SMURF2: variants seen among roughly 807,000 people sequenced by gnomAD.
SMURF2 encodes SMAD specific E3 ubiquitin protein ligase 2.
SMURF2 carries 48 observed loss-of-function variants against 109.6 expected under a neutral mutation model. The observed-to-expected ratio is 0.44, with a 90% CI of 0.35 to 0.56. The LOEUF is 0.56. Ranked by LOEUF, SMURF2 falls within the 20% of genes least tolerant of loss-of-function variation. The pLI is 0.01. For synonymous variants in SMURF2, 288 were observed against 317.1 expected (o/e 0.91, Z 0.97); for missense variants, 575 against 909.0 (o/e 0.63, Z 4.72).
chr17:64,545,867 C>T lies in SMURF2; in HGVS notation c.2228G>A (p.Cys743Tyr). 1.2e-6 allele frequency: 2 copies of T among 1,607,134 alleles called. No homozygotes were observed. Among genetic ancestry groups the T allele is most frequent in the Non-Finnish European group, 1.7e-6 (2 of 1,173,878 alleles). ...AGCTTGTCATTCCACAGCAAATCCA[C>T]ATGTTTCTTCAATGGCTGTTAGCAG... ...EKLLTAIEET[C>Y]GFAVE The change falls in exon 19 of 19, where the codon TGT (cysteine) becomes TAT (tyrosine). Residue 743 changes from cysteine to tyrosine, a missense_variant. Transcript: ENST00000262435.
intron 1 of SMURF2, among the ~76,000 whole-genome samples, chr17:64,629,795 A>AT (rs1203598953): frequency 6.6e-6 from 1 of 152,174 alleles, no homozygotes; most frequent in Non-Finnish European, 1.5e-5. Flanking sequence ...CTCTAAACAA[A>AT]TTTTTTAAAA....
chr17:64,657,584 A>G (rs778699607), intron 1 of SMURF2, among the ~76,000 whole-genome samples: 5 of 151,728 alleles, frequency 3.3e-5, no homozygotes, highest in Admixed American at 1.3e-4. Context: ...ATGGACCTGT[A>G]GTCCCAGCCA....
At chr17:64,566,348 T>C (rs542913489) in intron 10 of SMURF2, among the ~76,000 whole-genome samples, 39 of 151,986 alleles carry the variant, frequency 2.6e-4, no homozygotes, top group Admixed American at 1.1e-3. Context: ...AACTAATTTA[T>C]CACTTTAAAG....
At chr17:64,623,980 T>C (rs1199682881) in intron 1 of SMURF2, among the ~76,000 whole-genome samples, 4 of 152,250 alleles carry the variant, frequency 2.6e-5, no homozygotes, top group African/African-American at 9.6e-5. Flanking sequence ...CTTATCCATA[T>C]ATATGCAAAA....
At chr17:64,624,106 C>T (rs1970237623) in intron 1 of SMURF2, among the ~76,000 whole-genome samples, 2 of 152,110 alleles carry the variant, frequency 1.3e-5, no homozygotes, top group Admixed American at 6.5e-5. Context: ...AAAAATAAAG[C>T]TACAACAAAT....
chr17:64,557,636 T>C lies in SMURF2; in HGVS notation c.1403A>G (p.Gln468Arg). The C allele has an allele frequency of 6.2e-7, 1 of 1,608,680 alleles. No individual in the cohort carries two copies. The highest frequency in any genetic ancestry group is 8.5e-7 in the Non-Finnish European group (1 of 1,175,988). Residue 468 changes from glutamine (Q) to arginine (R), a missense_variant, in exon 13 of 19, where the codon CAG becomes CGG. Transcript: ENST00000262435. Reference sequence around the variant, plus strand: ...ATTAACTGCAGAATCAGGATTGATCTGCAATGTATAAATATCATCTCTTGA... The same window carrying C: ...ATTAACTGCAGAATCAGGATTGATCCGCAATGTATAAATATCATCTCTTGA... ...QYSRDDIYTL[Q>R]INPDSAVNPE...
At chr17:64,572,409 C>T (rs1248254618) in intron 9 of SMURF2, among the ~76,000 whole-genome samples, 1 of 152,012 alleles carries the variant, frequency 6.6e-6, no homozygotes, top group African/African-American at 2.4e-5. Flanking sequence ...GCCAACAAAG[C>T]AAAACTGGAA....
chr17:64,559,641 C>T (rs74552048), intron 12 of SMURF2, among the ~76,000 whole-genome samples: 4 of 151,500 alleles, frequency 2.6e-5, no homozygotes, highest in Non-Finnish European at 2.9e-5. Context: ...CATGGTGGCT[C>T]GCGCCTGTAA....
chr17:64,650,791 G>T (rs1288997987), intron 1 of SMURF2, among the ~76,000 whole-genome samples: 2 of 151,818 alleles, frequency 1.3e-5, no homozygotes, highest in South Asian at 2.1e-4. Flanking sequence ...GATCGTGCCT[G>T]GGCAATACAG....
At chr17:64,651,311 C>T (rs1047366412) in intron 1 of SMURF2, among the ~76,000 whole-genome samples, 4 of 151,778 alleles carry the variant, frequency 2.6e-5, no homozygotes, top group African/African-American at 4.8e-5. Context: ...CGGTGGCTCA[C>T]GCCTGTAATC....
intron 8 of SMURF2, among the ~76,000 whole-genome samples, chr17:64,580,035 G>GCAATT (rs1969557190): frequency 6.6e-6 from 1 of 152,160 alleles, no homozygotes; most frequent in Admixed American, 6.5e-5. Flanking sequence ...CTTAGATGTG[G>GCAATT]CAATTCCCAG....
At chr17:64,594,575 T>C (rs1203297312) in intron 3 of SMURF2, among the ~76,000 whole-genome samples, 5 of 152,346 alleles carry the variant, frequency 3.3e-5, no homozygotes, top group Admixed American at 6.5e-5. Context: ...TCAGTATGCA[T>C]GTACCAATTT....
intron 16 of SMURF2, among the ~76,000 whole-genome samples, chr17:64,549,216 G>A (rs1479312360): frequency 2.1e-5 from 3 of 146,192 alleles, no homozygotes; most frequent in Non-Finnish European, 4.5e-5. Context: ...GAGGTTGTAG[G>A]GAGCTGAGAT....
intron 1 of SMURF2, among the ~76,000 whole-genome samples, 166 bp downstream of exon 1, chr17:64,661,663 C>A (rs1220417221): frequency 6.6e-6 from 1 of 152,158 alleles, no homozygotes; most frequent in African/African-American, 2.4e-5. Context: ...AATGTCCAAA[C>A]CAGAGCAAGT....
intron 1 of SMURF2, among the ~76,000 whole-genome samples, chr17:64,652,366 T>C (rs1267686334): frequency 3.3e-5 from 5 of 152,260 alleles, no homozygotes; most frequent in Non-Finnish European, 7.3e-5. Flanking sequence ...AAAGCTGCTT[T>C]ATTTTAAAGC....
chr17:64,570,269 T>G (rs1427471287), intron 10 of SMURF2, among the ~76,000 whole-genome samples: 1 of 152,218 alleles, frequency 6.6e-6, no homozygotes, highest in Non-Finnish European at 1.5e-5. Flanking sequence ...TTAACATACA[T>G]AAGAACTTTA....
chr17:64,613,076 A>G (rs573878998), intron 1 of SMURF2, among the ~76,000 whole-genome samples: 4 of 152,302 alleles, frequency 2.6e-5, no homozygotes, highest in African/African-American at 9.6e-5. Flanking sequence ...TCAAAACATG[A>G]CCTGAGAACT....
chr17:64,623,374 A>C (rs1555690833), intron 1 of SMURF2, among the ~76,000 whole-genome samples: 2 of 152,206 alleles, frequency 1.3e-5, no homozygotes, highest in African/African-American at 4.8e-5. Flanking sequence ...TACTATAAAC[A>C]CCGAACCTCT....
intron 5 of SMURF2, among the ~76,000 whole-genome samples, chr17:64,587,973 G>A (rs1406566208): frequency 6.8e-6 from 1 of 148,136 alleles, no homozygotes; most frequent in Non-Finnish European, 1.5e-5. Flanking sequence ...CTGGTTAAAT[G>A]AATTACATAC....
Sources: allele counts gnomAD v4.1 joint callset (sites outside exome capture counted in the v4.1 genomes callset), GRCh38; gene constraint gnomAD v4.1.1; transcripts MANE v1.5; gene names NCBI Gene and HGNC (gene_info 2026-07-23, HGNC 2026-07-21).